The following SPG21 variants were observed in gnomAD, a reference collection of about 807,000 sequenced individuals.
SPG21 encodes the protein maspardin.
A neutral mutation model predicts 38.9 loss-of-function variants in SPG21; 26 were observed. That is an observed-to-expected ratio of 0.67 (90% CI 0.49 to 0.93). The LOEUF is 0.93. Ranked by LOEUF, SPG21 falls within the 40% of genes least tolerant of loss-of-function variation. The pLI is 0.00. For missense variants in SPG21, 333 were observed against 376.5 expected (o/e 0.88, Z 0.96); for synonymous variants, 136 against 128.9 (o/e 1.05, Z -0.37).
intron 2 of SPG21, chr15:64,983,033 G>A (rs1029038024): frequency 1.1e-4 from 19 of 175,246 alleles, no homozygotes; most frequent in South Asian, 5.6e-4. Context: ...CAAGGTGGGC[G>A]GATCACTTGT....
intron 6 of SPG21, 52 bp downstream of exon 6, chr15:64,970,062 A>G: frequency 1.5e-6 from 2 of 1,372,110 alleles, no homozygotes; most frequent in Non-Finnish European, 2.1e-6. Context: ...AACCAAGTAG[A>G]TGTGAAAATT....
In SPG21 at chr15:64,972,803, G is replaced by A. The variant is rs372129927; in HGVS notation, c.452+1799C>T. Among the ~76,000 whole-genome samples the A allele has an allele frequency of 6.2e-3, 946 of 152,346 alleles. 48 individuals are homozygous for A. The South Asian group carries it at 0.12, about 20-fold the overall frequency. On this transcript the variant is annotated intron_variant, in intron 5 of 8. Transcript: ENST00000204566. ...GCTGAGATCGTGCCACTGCACTCCA[G>A]CCTGGGCGACAGAGCGAGACTCCAT...
chr15:64,989,430 G>A (rs979246166), intron 1 of SPG21: 1 of 152,492 alleles, frequency 6.6e-6, no homozygotes, highest in Non-Finnish European at 1.5e-5. Flanking sequence ...CAGTCCCACC[G>A]GTGACAGCCA....
chr15:64,978,235 G>A (rs998323814), intron 3 of SPG21, among the ~76,000 whole-genome samples: 1 of 151,768 alleles, frequency 6.6e-6, no homozygotes, highest in Admixed American at 6.6e-5. Flanking sequence ...ATCACTTGAG[G>A]TCAGGAGTTC....
intron 4 of SPG21, among the ~76,000 whole-genome samples, chr15:64,975,139 C>A (rs987567037): frequency 1.3e-5 from 2 of 151,646 alleles, no homozygotes; most frequent in Admixed American, 6.6e-5. Flanking sequence ...TACAAAAAAA[C>A]TAGCCAGGCA....
chr15:64,980,737 CAACAAACAAACAAACAAACA>C (rs56821289), intron 3 of SPG21, 107 bp downstream of exon 3: 2 of 862,562 alleles, frequency 2.3e-6, no homozygotes, highest in South Asian at 3.2e-5. Context: ...GAATCCATCT[CAACAAACAAACAAACAAACA>C]AACAAACAAA....
chr15:64,974,411 G>C (rs773076213), intron 5 of SPG21, among the ~76,000 whole-genome samples, 191 bp downstream of exon 5: 10 of 152,072 alleles, frequency 6.6e-5, no homozygotes, highest in East Asian at 1.9e-4. Context: ...GGAAATAAAG[G>C]CTGCAGTAAG....
chr15:64,968,340 CA>C (rs11305475), intron 7 of SPG21, among the ~76,000 whole-genome samples: 3,318 of 109,648 alleles, frequency 0.03, 86 homozygotes, highest in African/African-American at 0.11. Flanking sequence ...ACCCTGTTTC[CA>C]AAAAAAAAAA....
intron 2 of SPG21, 107 bp from the exon 3 acceptor site, chr15:64,981,132 T>A (rs1390626128): frequency 1.5e-6 from 2 of 1,369,458 alleles, no homozygotes; most frequent in Non-Finnish European, 1.0e-6. Context: ...GCCTTGTTTG[T>A]TACAAGGTAA....
At chr15:64,970,274 A>T in intron 5 of SPG21, 52 bp from the exon 6 acceptor site, 1 of 1,420,874 alleles carries the variant, frequency 7.0e-7, no homozygotes, top group Non-Finnish European at 9.9e-7. Flanking sequence ...ACACATGGCA[A>T]ATATTCATTC....
rs1566935297 is a variant in SPG21, at chr15:64,989,865, G to GCCGCCGCGCTCCCCGCGCCCGA, written c.-226_-225insTCGGGCGCGGGGAGCGCGGCGG. 1.3e-5 allele frequency: 2 copies of GCCGCCGCGCTCCCCGCGCCCGA among 151,810 alleles called. No homozygotes were observed. Among genetic ancestry groups the GCCGCCGCGCTCCCCGCGCCCGA allele is most frequent in the African/African-American group, 4.9e-5 (2 of 41,216 alleles). The allele number at this position is 151,810 out of a possible 1,614,324, so 9.4% of individuals were successfully genotyped here. A position where few individuals can be genotyped will look rare whatever the true frequency, so the allele number is the denominator to read the frequency against. On this transcript the variant is annotated 5_prime_UTR_variant, in exon 1 of 9. Transcript: ENST00000204566. ...GGGGCGCGTGGCCGAGCGAGCTTGG[G>GCCGCCGCGCTCCCCGCGCCCGA]CCGCCGCGCTCCCCCCGCCCGACCG...
chr15:64,976,802 C>T (rs1004730190), intron 3 of SPG21, among the ~76,000 whole-genome samples: 2 of 152,174 alleles, frequency 1.3e-5, no homozygotes, highest in Admixed American at 6.5e-5. Context: ...GTAACAATTT[C>T]AATTCCCATC....
intron 1 of SPG21, among the ~76,000 whole-genome samples, chr15:64,986,865 T>C (rs2086005737): frequency 1.3e-5 from 2 of 152,218 alleles, no homozygotes; most frequent in South Asian, 4.1e-4. Flanking sequence ...TTCTATATCA[T>C]CTAAATACTT....
rs1566925555 is a variant in SPG21 at position 64,970,221 on chromosome 15, A to C, written c.454T>G (p.Phe152Val). 6.2e-7 allele frequency: 1 copy of C among 1,613,392 alleles called. No homozygotes were observed. ...IFNQTWTANSFWLMPAFMLKK... is the reference protein window; with the variant it reads ...IFNQTWTANSVWLMPAFMLKK... The stretch of plus-strand genomic sequence containing the variant: ...AGCATAAATGCAGGCATCAGCCAAA[A>C]GCTGTAAAACACAAAGACCTTATAA... Residue 152 changes from phenylalanine (F) to valine (V), a missense_variant and splice_region_variant, in exon 6 of 9, where the codon TTT becomes GTT. Coordinates refer to ENST00000204566, the MANE Select transcript of SPG21 (RefSeq NM_016630.7).
intron 5 of SPG21, among the ~76,000 whole-genome samples, chr15:64,972,864 A>C (rs2085697514): frequency 7.6e-6 from 1 of 130,790 alleles, no homozygotes; most frequent in South Asian, 2.9e-4. Context: ...AAACAACAAC[A>C]AAAAAAACTA....
intron 5 of SPG21, 90 bp downstream of exon 5, chr15:64,974,512 G>T (rs2085737178): frequency 2.0e-6 from 3 of 1,467,200 alleles, no homozygotes; most frequent in Admixed American, 1.8e-5. Context: ...TATAGAAGTA[G>T]ATATAAGTCT....
intron 8 of SPG21, 86 bp downstream of exon 8, chr15:64,965,234 T>A: frequency 6.4e-7 from 1 of 1,550,428 alleles, no homozygotes; most frequent in Non-Finnish European, 8.9e-7. Context: ...AGTTCACTGA[T>A]TCCCTAACTA....
rs777968793 is a variant in SPG21, at chr15:64,980,908, G to A, written c.181C>T (p.Arg61Trp). 3.3e-5 allele frequency: 53 copies of A among 1,613,876 alleles called. No homozygotes were observed. The highest frequency in any genetic ancestry group is 4.2e-5 in the Non-Finnish European group (49 of 1,180,030). The part of the protein sequence containing the change: ...PVSGTADVFF[R>W]QILALTGWGY... ...CATCCAGTCAGAGCCAAAATCTGCC[G>A]GAAAAAGACATCTGCAGTTCCACTG... The change falls in exon 3 of 9, where the codon CGG becomes TGG. Residue 61 changes from arginine to tryptophan, a missense_variant. By Grantham distance (101) the Arg-to-Trp change is moderately radical (BLOSUM62 -3). Coordinates refer to ENST00000204566, the MANE Select transcript of SPG21 (RefSeq NM_016630.7).
chr15:64,983,267 T>C, intron 2 of SPG21: 1 of 193,834 alleles, frequency 5.2e-6, no homozygotes, highest in Non-Finnish European at 1.1e-5. Flanking sequence ...ATCTCAAAAA[T>C]AAATATAAAT....
Sources: gnomAD v4.1 joint callset for allele counts (sites outside exome capture counted in the v4.1 genomes callset) on GRCh38, gnomAD v4.1.1 for gene constraint, MANE v1.5 for transcripts, NCBI Gene and HGNC (gene_info 2026-07-23, HGNC 2026-07-21) for gene names.